Variants in IGF1R observed in about 807,000 individuals in gnomAD.
The protein encoded by IGF1R is insulin like growth factor 1 receptor.
A neutral mutation model predicts 144.6 loss-of-function variants in IGF1R; 44 were observed. The observed-to-expected ratio is 0.30, with a 90% confidence interval of 0.24 to 0.39. The LOEUF (loss-of-function observed/expected upper bound fraction) is 0.39. Ranked by LOEUF, IGF1R falls within the 10% of genes least tolerant of loss-of-function variation. IGF1R has a pLI of 1.00. For missense variants in IGF1R, 1,355 were observed against 1,833.7 expected (o/e 0.74, Z 4.77); for synonymous variants, 795 against 722.8 (o/e 1.10, Z -1.60).
intron 2 of IGF1R, among the ~76,000 whole-genome samples, chr15:98,774,964 C>T (rs1039767336): frequency 2.0e-5 from 3 of 152,194 alleles, no homozygotes; most frequent in African/African-American, 4.8e-5. Flanking sequence ...TTACGTAGCT[C>T]AGGAACCTGG....
intron 2 of IGF1R, among the ~76,000 whole-genome samples, chr15:98,844,971 C>T (rs1188645338): frequency 4.0e-5 from 6 of 151,786 alleles, no homozygotes; most frequent in Non-Finnish European, 7.4e-5. Context: ...GCTGAGAAAC[C>T]AAAAAGTGAA....
intron 2 of IGF1R, among the ~76,000 whole-genome samples, chr15:98,821,600 G>A (rs1255208784): frequency 6.6e-6 from 1 of 152,206 alleles, no homozygotes; most frequent in Non-Finnish European, 1.5e-5. Context: ...CATGTTTCGA[G>A]ATCCAGTATG....
In IGF1R at chr15:98,797,064, C is replaced by T. The variant is rs539933819; in HGVS notation, c.640+88957C>T. Among the ~76,000 whole-genome samples, 5 of 152,318 alleles carry T rather than the reference C, an allele frequency of 3.3e-5. No individual in the cohort carries two copies. The East Asian group carries it at 9.6e-4, about 29-fold the overall frequency. On this transcript the variant is annotated intron_variant, in intron 2 of 20. Transcript: ENST00000650285. Reference sequence around the variant, plus strand: ...GCATTTCTGATGGCTGCCCCATCTGCCCTGTGTGGGGTGGCAGAGTTCTGT... The same window carrying T: ...GCATTTCTGATGGCTGCCCCATCTGTCCTGTGTGGGGTGGCAGAGTTCTGT...
chr15:98,922,125 C>T (rs756320774), intron 10 of IGF1R, 23 bp from the exon 11 acceptor site: 1 of 1,613,920 alleles, frequency 6.2e-7, no homozygotes, highest in Non-Finnish European at 8.5e-7. Flanking sequence ...TACTTAAAAG[C>T]CACATTTCTC....
intron 2 of IGF1R, among the ~76,000 whole-genome samples, chr15:98,787,001 G>A (rs183366126): frequency 7.2e-5 from 11 of 152,272 alleles, no homozygotes; most frequent in Non-Finnish European, 7.4e-5. Context: ...GGTTGGTGAC[G>A]ACATTCTGTG....
In IGF1R at chr15:98,899,634, A is replaced by C. The variant is rs758016515; in HGVS notation, c.1247+13A>C. 6.2e-7 allele frequency: 1 copy of C among 1,613,376 alleles called. No homozygotes were observed. The highest frequency in any genetic ancestry group is 1.3e-5 in the African/African-American group (1 of 74,862). On this transcript the variant is annotated intron_variant, in intron 5 of 20. Transcript: ENST00000650285. The stretch of plus-strand genomic sequence containing the variant: ...AGCAGCTAGAAGGGTAAGTGCCCCA[A>C]ATTTCATGAGCTGACGTTCTATTAC...
At chr15:98,938,655 C>T (rs2016248654) in intron 17 of IGF1R, among the ~76,000 whole-genome samples, 1 of 152,066 alleles carries the variant, frequency 6.6e-6, no homozygotes, top group South Asian at 2.1e-4. Context: ...AAACAGTAAT[C>T]CTGGTATTTT....
intron 1 of IGF1R, among the ~76,000 whole-genome samples, chr15:98,691,995 T>C (rs1482474759): frequency 6.6e-6 from 1 of 152,162 alleles, no homozygotes; most frequent in Non-Finnish European, 1.5e-5. Flanking sequence ...CTTGGTGTTA[T>C]TAGATTGGTA....
At chr15:98,753,226 C>G (rs1435425733) in intron 2 of IGF1R, among the ~76,000 whole-genome samples, 1 of 120,946 alleles carries the variant, frequency 8.3e-6, no homozygotes, top group Admixed American at 8.7e-5. Flanking sequence ...CCATTACGTC[C>G]AGCCTTTTTT....
intron 1 of IGF1R, among the ~76,000 whole-genome samples, chr15:98,663,917 T>C (rs1197860339): frequency 6.6e-6 from 1 of 152,252 alleles, no homozygotes; most frequent in African/African-American, 2.4e-5. Context: ...TGTTGATTTA[T>C]GTTTGTAAAT....
At chr15:98,734,504 C>T (rs1441026357) in intron 2 of IGF1R, among the ~76,000 whole-genome samples, 1 of 152,134 alleles carries the variant, frequency 6.6e-6, no homozygotes, top group Non-Finnish European at 1.5e-5. Flanking sequence ...ATGGAGGTTT[C>T]GTAAAGGTGA....
At chr15:98,819,026 A>G (rs2056754211) in intron 2 of IGF1R, among the ~76,000 whole-genome samples, 1 of 152,000 alleles carries the variant, frequency 6.6e-6, no homozygotes. Flanking sequence ...GTGGGGAGGG[A>G]GGAGCAGTGT....
chr15:98,795,403 T>TTTTTGTTTTGTTTTGTTTTGTTTTG (rs56344805), intron 2 of IGF1R, among the ~76,000 whole-genome samples: 37 of 151,480 alleles, frequency 2.4e-4, no homozygotes, highest in South Asian at 1.5e-3. Flanking sequence ...TCTTTCTTGT[T>TTTTTGTTTTGTTTTGTTTTGTTTTG]TTTTGTTTTG....
At chr15:98,847,018 C>T (rs977887753) in intron 2 of IGF1R, among the ~76,000 whole-genome samples, 1 of 152,108 alleles carries the variant, frequency 6.6e-6, no homozygotes, top group South Asian at 2.1e-4. Flanking sequence ...ACTCCCTCAC[C>T]CAGGTCAGAG....
intron 2 of IGF1R, among the ~76,000 whole-genome samples, chr15:98,799,287 G>T (rs1194268255): frequency 6.6e-6 from 1 of 151,560 alleles, no homozygotes; most frequent in Non-Finnish European, 1.5e-5. Context: ...CATATTCATA[G>T]AAAACCCACA....
chr15:98,695,033 T>C (rs1486259253), intron 1 of IGF1R, among the ~76,000 whole-genome samples: 1 of 152,098 alleles, frequency 6.6e-6, no homozygotes, highest in Non-Finnish European at 1.5e-5. Context: ...GCAGGAGGAG[T>C]TCATGTAGTT....
chr15:98,688,804 T>C (rs1480564044), intron 1 of IGF1R, among the ~76,000 whole-genome samples: 2 of 152,174 alleles, frequency 1.3e-5, no homozygotes, highest in Non-Finnish European at 1.5e-5. Context: ...GTATTTTTTT[T>C]GGAGAAAGGG....
intron 2 of IGF1R, among the ~76,000 whole-genome samples, chr15:98,806,199 T>C (rs974541068): frequency 3.3e-5 from 5 of 152,170 alleles, no homozygotes; most frequent in Non-Finnish European, 2.9e-5. Flanking sequence ...CCGTGAAGGC[T>C]CTATGTCCAG....
chr15:98,888,438 AGTGTGTGT>A (rs1191582086), intron 2 of IGF1R, among the ~76,000 whole-genome samples: 234 of 143,454 alleles, frequency 1.6e-3, no homozygotes, highest in African/African-American at 5.8e-3. Context: ...AGAGAGAGAG[AGTGTGTGT>A]GTGTGTGTGT....
Sources: allele counts gnomAD v4.1 joint callset (sites outside exome capture counted in the v4.1 genomes callset), GRCh38; gene constraint gnomAD v4.1.1; transcripts MANE v1.5; gene names NCBI Gene and HGNC (gene_info 2026-07-23, HGNC 2026-07-21).